Variants in PRMT8 observed in about 807,000 individuals in gnomAD.
The protein encoded by PRMT8 is protein arginine N-methyltransferase 8.
Under a neutral mutation model 47.1 loss-of-function variants are expected in PRMT8, and 7 were observed. The observed-to-expected ratio is 0.15, with a 90% CI of 0.08 to 0.28. The LOEUF is 0.28. Among genes scored for constraint, PRMT8 ranks in the 10% least tolerant of loss-of-function variants. PRMT8 has a pLI of 1.00. For synonymous variants in PRMT8, 188 were observed against 186.5 expected (o/e 1.01, Z -0.07); for missense variants, 237 against 505.4 (o/e 0.47, Z 5.09).
intron 1 of PRMT8, among the ~76,000 whole-genome samples, chr12:3,445,030 G>A (rs1864843334): frequency 6.6e-6 from 1 of 152,266 alleles, no homozygotes; most frequent in Non-Finnish European, 1.5e-5. Flanking sequence ...ATGACTGGTA[G>A]GAAGGGGAGA....
In PRMT8 at chr12:3,550,082, G is replaced by A. The variant is rs751813882; in HGVS notation, c.408G>A (p.Lys136=). ...SMFAAKAGAK[K]VFGIECSSIS... The stretch of plus-strand genomic sequence containing the variant: ...TCGCTGCCAAGGCAGGGGCCAAGAA[G>A]GTGTTTGGGGTGAGCACGCCGCTTC... The change falls in exon 3 of 10, where the codon AAG becomes AAA. Residue 136 remains lysine (K), a synonymous_variant. Transcript: ENST00000382622. The surrounding 1 kb of genome is among the most constrained non-coding windows in gnomAD (Gnocchi z 5.1). 61 of 1,613,928 alleles carry A rather than the reference G, an allele frequency of 3.8e-5. No homozygotes were observed. Among genetic ancestry groups the A allele is most frequent in the Non-Finnish European group, 4.7e-5 (56 of 1,179,992 alleles).
chr12:3,412,951 T>C (rs1165155895), intron 1 of PRMT8, among the ~76,000 whole-genome samples: 3 of 152,208 alleles, frequency 2.0e-5, no homozygotes, highest in African/African-American at 7.2e-5. Flanking sequence ...CCATGAGGCA[T>C]TGGTCTGCCA....
chr12:3,568,446 A>G (rs1357887919), intron 4 of PRMT8, among the ~76,000 whole-genome samples: 1 of 152,222 alleles, frequency 6.6e-6, no homozygotes, highest in East Asian at 1.9e-4. Context: ...TGTTGGAAGG[A>G]TGACGTGATA....
At chr12:3,474,683 A>G (rs1374464358) in intron 1 of PRMT8, among the ~76,000 whole-genome samples, 1 of 152,212 alleles carries the variant, frequency 6.6e-6, no homozygotes, top group Admixed American at 6.5e-5. Context: ...CCTAAGCAGC[A>G]AGATGAGCTG....
intron 7 of PRMT8, among the ~76,000 whole-genome samples, chr12:3,581,419 G>A (rs181231098): frequency 3.7e-4 from 57 of 152,268 alleles, no homozygotes; most frequent in African/African-American, 1.3e-3. Context: ...ATGCCAGGAC[G>A]TGGACTGATC....
intron 6 of PRMT8, among the ~76,000 whole-genome samples, chr12:3,573,352 C>T (rs879758275): frequency 2.6e-5 from 4 of 152,204 alleles, no homozygotes; most frequent in Non-Finnish European, 5.9e-5. Flanking sequence ...GTTTCCATCT[C>T]GCTAATGAAA....
chr12:3,529,023 G>A (rs938674565), intron 1 of PRMT8, among the ~76,000 whole-genome samples: 16 of 152,194 alleles, frequency 1.1e-4, no homozygotes, highest in Admixed American at 2.6e-4. Context: ...GTTCTTTTCC[G>A]AGGCTGTGGT....
At chr12:3,455,115 T>C (rs193120744) in intron 1 of PRMT8, among the ~76,000 whole-genome samples, 7 of 152,282 alleles carry the variant, frequency 4.6e-5, no homozygotes, top group African/African-American at 1.7e-4. Flanking sequence ...TCCTATCTCT[T>C]AGCTCAGTGC....
rs544689782 is a variant in PRMT8 at position 3,481,556 on chromosome 12, G to A, written c.49-59050G>A. Reference sequence around the variant, plus strand: ...GCTCTGAGAGTACTGGGATGCAGCAGCCCTGGCATAGCCCTCGACCACCTC... The same window carrying A: ...GCTCTGAGAGTACTGGGATGCAGCAACCCTGGCATAGCCCTCGACCACCTC... On this transcript the variant is annotated intron_variant, in intron 1 of 9. Transcript: ENST00000452611. Among the ~76,000 whole-genome samples the A allele has an allele frequency of 1.8e-4, 27 of 152,296 alleles. No individual in the cohort carries two copies. The South Asian group carries it at 5.4e-3, about 30-fold the overall frequency.
chr12:3,479,736 A>C (rs1474874006), intron 1 of PRMT8, among the ~76,000 whole-genome samples: 1 of 152,122 alleles, frequency 6.6e-6, no homozygotes, highest in Non-Finnish European at 1.5e-5. Context: ...CATAAAGAGC[A>C]CTCAATGCCC....
intron 1 of PRMT8, among the ~76,000 whole-genome samples, chr12:3,506,187 TATG>T (rs1333677563): frequency 6.6e-6 from 1 of 152,236 alleles, no homozygotes; most frequent in African/African-American, 2.4e-5. Context: ...ATTCATCCTC[TATG>T]ATATGTATGG....
chr12:3,466,029 C>T (rs76070364), intron 1 of PRMT8, among the ~76,000 whole-genome samples: 3 of 152,248 alleles, frequency 2.0e-5, no homozygotes, highest in East Asian at 1.9e-4. Context: ...AGGGCACTGA[C>T]GCAGAAAACT....
intron 2 of PRMT8, among the ~76,000 whole-genome samples, chr12:3,547,860 C>T (rs747531731): frequency 2.0e-5 from 3 of 152,138 alleles, no homozygotes; most frequent in Non-Finnish European, 4.4e-5. Context: ...AGATTTAATA[C>T]AAGTCTGATA....
intron 8 of PRMT8, among the ~76,000 whole-genome samples, chr12:3,587,966 C>G (rs955838276): frequency 6.6e-6 from 1 of 152,180 alleles, no homozygotes; most frequent in African/African-American, 2.4e-5. Context: ...GTGCCCCCCC[C>G]ACCACAACAC....
At chr12:3,556,052 A>C (rs1490368824) in intron 4 of PRMT8, among the ~76,000 whole-genome samples, 1 of 152,094 alleles carries the variant, frequency 6.6e-6, no homozygotes, top group Non-Finnish European at 1.5e-5. Flanking sequence ...TGAAGTACTC[A>C]TGGGGGTGGC....
chr12:3,571,177 C>T (rs955543594), intron 6 of PRMT8, among the ~76,000 whole-genome samples: 5 of 152,174 alleles, frequency 3.3e-5, no homozygotes, highest in Admixed American at 6.5e-5. Flanking sequence ...CTGCCCCTGG[C>T]TCTGGCAAGT....
intron 1 of PRMT8, among the ~76,000 whole-genome samples, chr12:3,463,903 C>T (rs2137089894): frequency 6.6e-6 from 1 of 152,216 alleles, no homozygotes; most frequent in East Asian, 1.9e-4. Flanking sequence ...CATTTGTAAG[C>T]AGAGGATAAT....
intron 4 of PRMT8, among the ~76,000 whole-genome samples, chr12:3,563,552 C>T (rs1284298402): frequency 1.3e-5 from 2 of 151,150 alleles, no homozygotes; most frequent in South Asian, 2.1e-4. Flanking sequence ...CCTGACCAGC[C>T]GCAGGAGAAG....
At chr12:3,448,268 G>A (rs138199560) in intron 1 of PRMT8, among the ~76,000 whole-genome samples, 2 of 152,160 alleles carry the variant, frequency 1.3e-5, no homozygotes, top group African/African-American at 4.8e-5. Context: ...GCCTCCCAAA[G>A]TGTTGGAATT....
Sources: gnomAD v4.1 joint callset for allele counts (sites outside exome capture counted in the v4.1 genomes callset) on GRCh38, gnomAD v4.1.1 for gene constraint, Gnocchi (gnomAD v3.1) non-coding constraint, MANE v1.5 for transcripts, NCBI Gene and HGNC (gene_info 2026-07-23, HGNC 2026-07-21) for gene names.